SERPINE3: variants seen among roughly 807,000 people sequenced by gnomAD.
SERPINE3 encodes serpin E3.
A neutral mutation model predicts 41.7 loss-of-function variants in SERPINE3; 43 were observed. That is an observed-to-expected ratio of 1.03 (90% CI 0.81 to 1.33). SERPINE3 has a LOEUF of 1.33. SERPINE3 is among the 40% of genes most tolerant of loss of function. SERPINE3 has a pLI of 0.00. For missense variants in SERPINE3, 440 were observed against 491.7 expected (o/e 0.89, Z 0.99); for synonymous variants, 200 against 192.2 (o/e 1.04, Z -0.34).
intron 9 of SERPINE3, chr13:51,363,319 A>G (rs1955619873): frequency 6.6e-6 from 1 of 151,974 alleles, no homozygotes; most frequent in South Asian, 2.1e-4. Flanking sequence ...TGGAATTCTA[A>G]TAGTCCTTGT....
chr13:51,341,372 C>A (rs762480967), intron 3 of SERPINE3, 25 bp downstream of exon 3: 1 of 1,553,584 alleles, frequency 6.4e-7, no homozygotes, highest in Admixed American at 1.9e-5. Context: ...CACGTGCACA[C>A]TCACTTACCC....
Position 51,348,429 on chromosome 13 carries a change from C to T in SERPINE3, c.899+18C>T. On this transcript the variant is annotated intron_variant, in intron 6 of 9. Transcript: ENST00000681248. ...CTGCCCAGGTGAGCAGCTGAGTCCC[C>T]CTCACAGGTGCTGTGCAGCCAGCAG... 2 of 1,604,382 alleles carry T rather than the reference C, an allele frequency of 1.2e-6. No individual in the cohort carries two copies. Among genetic ancestry groups the T allele is most frequent in the Non-Finnish European group, 8.5e-7 (1 of 1,173,818 alleles).
chr13:51,364,049 G>T (rs895110210), intron 9 of SERPINE3, 190 bp from the exon 10 acceptor site: 13 of 372,166 alleles, frequency 3.5e-5, no homozygotes, highest in Non-Finnish European at 6.2e-5. Context: ...TTTAGGAACA[G>T]ACAATATATT....
At chr13:51,345,566 G>C (rs1955338071) in intron 4 of SERPINE3, among the ~76,000 whole-genome samples, 1 of 131,774 alleles carries the variant, frequency 7.6e-6, no homozygotes, top group Non-Finnish European at 1.5e-5. Context: ...CTGCACTCCA[G>C]CTTGGGCAAC....
chr13:51,347,848 A>G (rs1037376174), intron 5 of SERPINE3, among the ~76,000 whole-genome samples: 1 of 151,986 alleles, frequency 6.6e-6, no homozygotes, highest in Admixed American at 6.6e-5. Flanking sequence ...AACATAGTAT[A>G]TGCAGGGCTC....
rs572357016 is a variant in SERPINE3, at chr13:51,351,879, C to A, written c.900-3164C>A. On this transcript the variant is annotated intron_variant, in intron 6 of 9. Coordinates refer to ENST00000681248, the MANE Select transcript of SERPINE3 (RefSeq NM_001386375.1). ...TGTATCTATCCCTTTGTCCCAATAT[C>A]ATTTGTTAAAATGATTTTTCTTTCC... Among the ~76,000 whole-genome samples the A allele has an allele frequency of 6.6e-5, 10 of 152,112 alleles. No homozygotes were observed. The South Asian group carries it at 2.1e-3, about 32-fold the overall frequency.
chr13:51,351,408 A>T (rs548796319), intron 6 of SERPINE3, among the ~76,000 whole-genome samples: 2 of 152,258 alleles, frequency 1.3e-5, no homozygotes, highest in African/African-American at 4.8e-5. Flanking sequence ...AATGAGGTAG[A>T]GCATCTTTTC....
At position 51,347,101 on chromosome 13, in the gene SERPINE3, G is replaced by A; in HGVS notation, c.567G>A (p.Val189=). The change falls in exon 5 of 10, where the codon GTG becomes GTA. Residue 189 remains valine (V), a synonymous_variant. Transcript: ENST00000681248. ...VSAAFAQLVL[V]STMSFQGTWR... is the part of the protein sequence containing the mutation. ...CAGCATTTGCTCAGCTTGTGCTTGT[G>A]AGCACCATGTCCTTCCAAGGCACTT... 16 of 1,610,614 alleles carry A rather than the reference G, an allele frequency of 9.9e-6. No individual in the cohort carries two copies. Among genetic ancestry groups the A allele is most frequent in the Non-Finnish European group, 1.3e-5 (15 of 1,178,484 alleles).
At chr13:51,346,394 G>A (rs948404801) in intron 4 of SERPINE3, among the ~76,000 whole-genome samples, 1 of 152,168 alleles carries the variant, frequency 6.6e-6, no homozygotes, top group African/African-American at 2.4e-5. Flanking sequence ...TGCCTGGGGA[G>A]GGAATGTCTA....
chr13:51,350,630 T>A (rs1593640639), intron 6 of SERPINE3, among the ~76,000 whole-genome samples: 1 of 152,156 alleles, frequency 6.6e-6, no homozygotes, highest in East Asian at 1.9e-4. Context: ...GTTTCTTTTT[T>A]AAAAAATCAA....
At chr13:51,340,931 TA>T in intron 2 of SERPINE3, 70 bp downstream of exon 2, 1 of 726,268 alleles carries the variant, frequency 1.4e-6, no homozygotes, top group Non-Finnish European at 2.2e-6. Context: ...TCAGGGTAGG[TA>T]ACCAAGACAG....
rs1955583019 is a variant in SERPINE3 at position 51,361,812 on chromosome 13, C to T, written c.1090C>T (p.Leu364=). The T allele has an allele frequency of 6.2e-7, 1 of 1,603,406 alleles. No individual in the cohort carries two copies. The highest frequency in any genetic ancestry group is 8.5e-7 in the Non-Finnish European group (1 of 1,176,468). The change falls in exon 9 of 10, where the codon CTG becomes TTG. Residue 364 remains leucine (L), a splice_region_variant and synonymous_variant. Transcript: ENST00000681248. ...EGTKASGATA[L]LLLKRSRIPI... The stretch of plus-strand genomic sequence containing the variant: ...GAATTTTTCTTTCTTTCCTGCAGCT[C>T]TGTTGTTATTGAAAAGGTCTCGGAT...
chr13:51,361,467 G>A, intron 8 of SERPINE3, 103 bp downstream of exon 8: 1 of 769,728 alleles, frequency 1.3e-6, no homozygotes. Context: ...TAACCCCCAA[G>A]TTCAGGTGTG....
At position 51,364,280 on chromosome 13, in the gene SERPINE3, T is replaced by G. The variant is rs1955641990; in HGVS notation, c.1213T>G (p.Ter405GluextTer13). Residue 405 changes from the stop codon to glutamate (E), a stop_lost, in exon 10 of 10, where the codon TAA becomes GAA. Coordinates refer to ENST00000681248, the MANE Select transcript of SERPINE3 (RefSeq NM_001386375.1). ...TGGGAGAGTTTCAAATCCCCTAGAC[T>G]AAATGCATGTTCTCCACTTTCATCA... ...SIGRVSNPLD[*>E] 6.8e-7 allele frequency: 1 copy of G among 1,462,362 alleles called. No individual in the cohort carries two copies. Among genetic ancestry groups the G allele is most frequent in the African/African-American group, 1.4e-5 (1 of 71,196 alleles). 90.6% of individuals were successfully genotyped at this position (1,462,362 alleles called of 1,614,324 possible).
chr13:51,345,953 T>C (rs2137773301), intron 4 of SERPINE3, among the ~76,000 whole-genome samples: 1 of 152,342 alleles, frequency 6.6e-6, no homozygotes, highest in South Asian at 2.1e-4. Flanking sequence ...GCTAGGGTTC[T>C]ATTTCAATGC....
intron 5 of SERPINE3, 84 bp downstream of exon 5, chr13:51,347,318 C>T: frequency 8.4e-7 from 1 of 1,188,916 alleles, no homozygotes; most frequent in Non-Finnish European, 1.2e-6. Context: ...GTCCCTGCTC[C>T]TAAGGGATCG....
Position 51,344,313 on chromosome 13 carries a change from C to T in SERPINE3, c.318C>T (p.Gly106=), listed in dbSNP as rs1243035466. 3.5e-5 allele frequency: 57 copies of T among 1,613,886 alleles called. No individual in the cohort carries two copies. The East Asian group carries it at 1.2e-3, about 35-fold the overall frequency. The change falls in exon 4 of 10, where the codon GGC becomes GGT. Residue 106 remains glycine (G), a synonymous_variant. Coordinates refer to ENST00000681248, the MANE Select transcript of SERPINE3 (RefSeq NM_001386375.1). ...CCACACTACCCACCTCCAGCCAAGG[C>T]ACCGAGATGGAGCTGGCCTGCAGCC... The part of the protein sequence containing the change: ...VYATLPTSSQ[G]TEMELACSLF...
At chr13:51,342,890 G>A (rs1955308332) in intron 3 of SERPINE3, among the ~76,000 whole-genome samples, 1 of 152,170 alleles carries the variant, frequency 6.6e-6, no homozygotes, top group Non-Finnish European at 1.5e-5. Flanking sequence ...AAGCACTTAA[G>A]TTAGGCTGAT....
In SERPINE3 at chr13:51,347,081, T is replaced by C. The variant is rs565803359; in HGVS notation, c.547T>C (p.Phe183Leu). The change falls in exon 5 of 10, where the codon TTT becomes CTT. Residue 183 changes from phenylalanine (F) to leucine (L), a missense_variant. By Grantham distance (22) the Phe-to-Leu change is conservative. Coordinates refer to ENST00000681248, the MANE Select transcript of SERPINE3 (RefSeq NM_001386375.1). ...GCCGTGGGAGCAAGTCAGTGCAGCATTTGCTCAGCTTGTGCTTGTGAGCAC... is the reference window on the plus strand; with the variant it reads ...GCCGTGGGAGCAAGTCAGTGCAGCACTTGCTCAGCTTGTGCTTGTGAGCAC... ...GWPWEQVSAA[F>L]AQLVLVSTMS... 2 of 1,606,230 alleles carry C rather than the reference T, an allele frequency of 1.2e-6. No homozygotes were observed. Among genetic ancestry groups the C allele is most frequent in the African/African-American group, 1.3e-5 (1 of 74,940 alleles).
Sources: allele counts gnomAD v4.1 joint callset (sites outside exome capture counted in the v4.1 genomes callset), GRCh38; gene constraint gnomAD v4.1.1; transcripts MANE v1.5; gene names NCBI Gene and HGNC (gene_info 2026-07-23, HGNC 2026-07-21).